The following ZNRF2 variants were observed in gnomAD, a reference collection of about 807,000 sequenced individuals.
The protein encoded by ZNRF2 is zinc and ring finger 2.
ZNRF2 carries 16 observed loss-of-function variants against 20.4 expected under a neutral mutation model. That is an observed-to-expected ratio of 0.79 (90% CI 0.53 to 1.19). ZNRF2 has a LOEUF of 1.19. ZNRF2 is among the 50% of genes most tolerant of loss of function. The pLI is 0.00. For synonymous variants in ZNRF2, 178 were observed against 144.9 expected (o/e 1.23, Z -1.64); for missense variants, 363 against 332.4 (o/e 1.09, Z -0.72).
intron 2 of ZNRF2, among the ~76,000 whole-genome samples, chr7:30,326,460 C>G (rs1420324558): frequency 5.3e-5 from 8 of 152,190 alleles, no homozygotes; most frequent in Admixed American, 5.2e-4. Context: ...CCACAGAGGA[C>G]ATGATCTTCT....
At chr7:30,335,034 A>C (rs1050686947) in intron 2 of ZNRF2, among the ~76,000 whole-genome samples, 4 of 151,784 alleles carry the variant, frequency 2.6e-5, no homozygotes, top group Admixed American at 2.0e-4. Context: ...ATAGAAGAGA[A>C]AATAAAAATA....
chr7:30,290,061 A>G (rs1157130119), intron 1 of ZNRF2, among the ~76,000 whole-genome samples: 5 of 152,230 alleles, frequency 3.3e-5, no homozygotes, highest in African/African-American at 1.2e-4. Flanking sequence ...ATAATTGGGT[A>G]TATTGGCAAA....
chr7:30,292,692 A>G (rs1161627313), intron 1 of ZNRF2, among the ~76,000 whole-genome samples: 1 of 152,092 alleles, frequency 6.6e-6, no homozygotes, highest in Non-Finnish European at 1.5e-5. Context: ...AGTCATGAGG[A>G]TCTCTGGGGT....
At chr7:30,318,409 A>AGATG (rs1184049612) in intron 1 of ZNRF2, among the ~76,000 whole-genome samples, 8 of 152,198 alleles carry the variant, frequency 5.3e-5, no homozygotes, top group African/African-American at 1.9e-4. Flanking sequence ...AGTTGCATTT[A>AGATG]GATGACCTGT....
intron 1 of ZNRF2, among the ~76,000 whole-genome samples, chr7:30,321,896 G>T (rs541489917): frequency 6.6e-6 from 1 of 151,618 alleles, no homozygotes; most frequent in Non-Finnish European, 1.5e-5. Flanking sequence ...ATTTTTAGGG[G>T]TGTCTAATCT....
intron 3 of ZNRF2, among the ~76,000 whole-genome samples, 191 bp from the exon 4 acceptor site, chr7:30,362,186 T>G: frequency 6.6e-6 from 1 of 152,190 alleles, no homozygotes; most frequent in East Asian, 1.9e-4. Context: ...TTGCAAAGGT[T>G]TTTTTCTTAA....
At chr7:30,350,732 T>C (rs777311838) in intron 2 of ZNRF2, among the ~76,000 whole-genome samples, 1 of 152,058 alleles carries the variant, frequency 6.6e-6, no homozygotes, top group African/African-American at 2.4e-5. Flanking sequence ...ACTAATGTTG[T>C]AAATTTTTTT....
intron 2 of ZNRF2, among the ~76,000 whole-genome samples, chr7:30,331,577 G>A (rs1217795023): frequency 6.6e-6 from 1 of 152,116 alleles, no homozygotes; most frequent in East Asian, 1.9e-4. Context: ...CCTGGAATGA[G>A]AGCATACACC....
intron 1 of ZNRF2, chr7:30,289,903 A>G (rs112033847): frequency 0.014 from 7,404 of 534,308 alleles, 474 homozygotes; most frequent in African/African-American, 0.13. Flanking sequence ...CTCTCCTCCA[A>G]TTTGATCGCT....
intron 1 of ZNRF2, among the ~76,000 whole-genome samples, chr7:30,295,033 G>C (rs1798988711): frequency 9.3e-6 from 1 of 107,174 alleles, no homozygotes; most frequent in African/African-American, 4.4e-5. Flanking sequence ...GAGAGAGAGA[G>C]AGAGAGAGAG....
chr7:30,345,752 C>T (rs895497335), intron 2 of ZNRF2, among the ~76,000 whole-genome samples: 2 of 152,134 alleles, frequency 1.3e-5, no homozygotes, highest in African/African-American at 4.8e-5. Context: ...CACTTGTTCA[C>T]TTCCCCCACC....
intron 2 of ZNRF2, among the ~76,000 whole-genome samples, chr7:30,353,222 C>CT (rs1799985356): frequency 6.6e-6 from 1 of 152,070 alleles, no homozygotes; most frequent in African/African-American, 2.4e-5. Flanking sequence ...CAAAATGCAA[C>CT]TGATCAGTGG....
chr7:30,332,382 T>G (rs1342197561), intron 2 of ZNRF2, among the ~76,000 whole-genome samples: 1 of 151,908 alleles, frequency 6.6e-6, no homozygotes, highest in Non-Finnish European at 1.5e-5. Flanking sequence ...AAAAAAAATT[T>G]CGGTTGAGGA....
chr7:30,323,826 G>A (rs1406237966), intron 2 of ZNRF2, 89 bp downstream of exon 2: 3 of 888,386 alleles, frequency 3.4e-6, no homozygotes, highest in Non-Finnish European at 4.9e-6. Flanking sequence ...TAAAAGGAGG[G>A]AAGGACATTG....
Position 30,285,704 on chromosome 7 carries a change from C to A in ZNRF2, c.347C>A (p.Ser116Ter). ...SSSGPYGSQD[S>*]VHSSPEDGGG... ...AGCGGCCCGTACGGCTCGCAGGACT[C>A]GGTGCACAGCAGCCCTGAGGACGGC... Residue 116 changes from serine (S) to a stop codon, truncating the protein, a stop_gained, in exon 1 of 5, where the codon TCG (serine) becomes TAG (stop). Transcript: ENST00000323037. LOFTEE classifies it high-confidence loss of function. 4 of 1,471,132 alleles carry A rather than the reference C, an allele frequency of 2.7e-6. No individual in the cohort carries two copies. The highest frequency in any genetic ancestry group is 3.6e-6 in the Non-Finnish European group (4 of 1,117,814). 91.1% of individuals were successfully genotyped at this position (1,471,132 alleles called of 1,614,324 possible).
intron 2 of ZNRF2, among the ~76,000 whole-genome samples, chr7:30,344,124 G>A (rs1384764830): frequency 6.6e-6 from 1 of 151,684 alleles, no homozygotes; most frequent in South Asian, 2.1e-4. Context: ...GTTTCAGCAT[G>A]TTGGCGAGGC....
intron 1 of ZNRF2, among the ~76,000 whole-genome samples, chr7:30,286,394 C>T (rs540225571): frequency 1.6e-4 from 25 of 152,190 alleles, no homozygotes; most frequent in Non-Finnish European, 3.2e-4. Flanking sequence ...TGTTTTTAAA[C>T]CTCACTAAAC....
intron 2 of ZNRF2, among the ~76,000 whole-genome samples, chr7:30,344,111 G>A (rs772293993): frequency 3.0e-4 from 45 of 151,612 alleles, no homozygotes; most frequent in South Asian, 6.2e-4. Flanking sequence ...TAGTAGAGAC[G>A]GGGTTTCAGC....
At chr7:30,314,258 A>G (rs1378024355) in intron 1 of ZNRF2, among the ~76,000 whole-genome samples, 30 of 152,304 alleles carry the variant, frequency 2.0e-4, no homozygotes, top group Admixed American at 2.0e-3. Context: ...ATTTTCTAAT[A>G]AAGTTGTAAT....
Sources: gnomAD v4.1 joint callset for allele counts (sites outside exome capture counted in the v4.1 genomes callset) on GRCh38, gnomAD v4.1.1 for gene constraint, MANE v1.5 for transcripts, NCBI Gene and HGNC (gene_info 2026-07-23, HGNC 2026-07-21) for gene names.